SYNPR: variants seen among roughly 807,000 people sequenced by gnomAD.
The protein encoded by SYNPR is synaptoporin.
In SYNPR, 23 loss-of-function variants were observed where a neutral mutation model predicts 32.9. The observed-to-expected ratio is 0.70, with a 90% CI of 0.50 to 0.99. The LOEUF (loss-of-function observed/expected upper bound fraction) is 0.99. Ranked by LOEUF, SYNPR falls within the 50% of genes least tolerant of loss-of-function variation. The pLI, the probability that SYNPR is intolerant of heterozygous loss-of-function variation, is 0.00. For missense variants in SYNPR, 318 were observed against 349.3 expected (o/e 0.91, Z 0.71); for synonymous variants, 146 against 135.9 (o/e 1.07, Z -0.52).
chr3:63,353,256 G>C (rs557528066), intron 2 of SYNPR, among the ~76,000 whole-genome samples: 24 of 152,334 alleles, frequency 1.6e-4, no homozygotes, highest in Non-Finnish European at 2.8e-4. Context: ...AACACAAATA[G>C]AGTGTTACAG....
chr3:63,583,944 C>T (rs1306832655), intron 4 of SYNPR, among the ~76,000 whole-genome samples: 1 of 152,058 alleles, frequency 6.6e-6, no homozygotes, highest in African/African-American at 2.4e-5. Flanking sequence ...CTAAGAACCA[C>T]TTGCCCTGGG....
chr3:63,257,179 C>A (rs149849750), intron 2 of SYNPR, among the ~76,000 whole-genome samples: 2,211 of 152,212 alleles, frequency 0.015, 33 homozygotes, highest in Non-Finnish European at 0.019. Flanking sequence ...CCCAGTCTAG[C>A]AAGGCAGGCC....
chr3:63,498,283 G>A (rs894262785), intron 3 of SYNPR, among the ~76,000 whole-genome samples: 6 of 152,180 alleles, frequency 3.9e-5, no homozygotes, highest in African/African-American at 1.4e-4. Context: ...AAAAAGACTC[G>A]TTCATTCATA....
intron 2 of SYNPR, among the ~76,000 whole-genome samples, chr3:63,262,730 A>G (rs2086449665): frequency 6.6e-6 from 1 of 152,178 alleles, no homozygotes; most frequent in Non-Finnish European, 1.5e-5. Context: ...AAGCAGCCAA[A>G]GTCCAGAGCC....
At chr3:63,208,421 A>T in the SYNPR span, among the ~76,000 whole-genome samples, 1 of 152,014 alleles carries the variant, frequency 6.6e-6, no homozygotes, top group African/African-American at 2.4e-5. Context: ...AGCATTTCTC[A>T]CTCTGGGGCA....
intron 4 of SYNPR, among the ~76,000 whole-genome samples, chr3:63,605,286 A>C (rs751773550): frequency 2.0e-5 from 3 of 152,198 alleles, no homozygotes; most frequent in Non-Finnish European, 2.9e-5. Flanking sequence ...TCATATGGCT[A>C]TAAAGGATAA....
intron 3 of SYNPR, among the ~76,000 whole-genome samples, chr3:63,546,706 C>T (rs1432222423): frequency 6.9e-6 from 1 of 144,138 alleles, no homozygotes; most frequent in Non-Finnish European, 1.5e-5. Context: ...TGAAAATTTC[C>T]TCTTATGAAA....
At chr3:63,525,118 T>C (rs753486936) in intron 3 of SYNPR, among the ~76,000 whole-genome samples, 6 of 152,174 alleles carry the variant, frequency 3.9e-5, no homozygotes, top group Non-Finnish European at 7.3e-5. Context: ...GCCTTCTCAA[T>C]GCAAGGAATT....
chr3:63,353,369 G>A (rs2107021615), intron 2 of SYNPR, among the ~76,000 whole-genome samples: 1 of 152,290 alleles, frequency 6.6e-6, no homozygotes, highest in Non-Finnish European at 1.5e-5. Context: ...ACAGGGAGGG[G>A]GATCTAGTGA....
chr3:63,505,375 A>G (rs17068857), intron 3 of SYNPR, among the ~76,000 whole-genome samples: 27,771 of 152,132 alleles, frequency 0.18, 2,584 homozygotes, highest in African/African-American at 0.22. Flanking sequence ...GCTCCAAAAC[A>G]CTAGTTATTT....
chr3:63,412,085 CA>C (rs1172727068), intron 2 of SYNPR, among the ~76,000 whole-genome samples: 1 of 151,904 alleles, frequency 6.6e-6, no homozygotes, highest in African/African-American at 2.4e-5. Context: ...AGTTAGGAAG[CA>C]AATCAATGGA....
At chr3:63,310,127 C>T (rs1168734421) in intron 2 of SYNPR, among the ~76,000 whole-genome samples, 3 of 151,934 alleles carry the variant, frequency 2.0e-5, no homozygotes, top group Non-Finnish European at 4.4e-5. Context: ...CCCCAGAATC[C>T]CTCCCAACTG....
chr3:63,501,340 A>G (rs9826403), intron 3 of SYNPR, among the ~76,000 whole-genome samples: 106,286 of 151,616 alleles, frequency 0.7, 38,305 homozygotes, highest in African/African-American at 0.88. Context: ...TTATCTGAGA[A>G]TGGTGGCATG....
At chr3:63,403,843 G>A (rs1456492990) in intron 2 of SYNPR, among the ~76,000 whole-genome samples, 2 of 152,174 alleles carry the variant, frequency 1.3e-5, no homozygotes, top group Admixed American at 6.5e-5. Context: ...TGGATCAAGG[G>A]AAGCCTCATC....
At chr3:63,463,709 G>T (rs1700629114) in intron 2 of SYNPR, among the ~76,000 whole-genome samples, 1 of 151,956 alleles carries the variant, frequency 6.6e-6, no homozygotes, top group African/African-American at 2.4e-5. Context: ...ATAGCTTTCA[G>T]GAGGTTTCCA....
intron 3 of SYNPR, among the ~76,000 whole-genome samples, chr3:63,540,891 T>TACACACACACACACACACACAC (rs34925541): frequency 8.1e-6 from 1 of 122,858 alleles, no homozygotes; most frequent in African/African-American, 3.2e-5. Context: ...CTATCACTCC[T>TACACACACACACACACACACAC]ACACACACAC....
chr3:63,343,350 G>C (rs1220215774), intron 2 of SYNPR, among the ~76,000 whole-genome samples: 2 of 152,170 alleles, frequency 1.3e-5, no homozygotes, highest in Non-Finnish European at 2.9e-5. Flanking sequence ...GATTCTAGGA[G>C]AGCCGAGGAA....
intron 5 of SYNPR, among the ~76,000 whole-genome samples, chr3:63,612,081 C>A (rs1700207155): frequency 6.6e-6 from 1 of 152,208 alleles, no homozygotes; most frequent in South Asian, 2.1e-4. Flanking sequence ...TTTACAGTAA[C>A]ACTAAAATGT....
chr3:63,203,761 C>T, the SYNPR span, among the ~76,000 whole-genome samples: 1 of 152,092 alleles, frequency 6.6e-6, no homozygotes, highest in Non-Finnish European at 1.5e-5. Context: ...CTTTAGGAGG[C>T]CAAGGTGGGC....
Sources: allele counts gnomAD v4.1 joint callset (sites outside exome capture counted in the v4.1 genomes callset), GRCh38; gene constraint gnomAD v4.1.1; transcripts MANE v1.5; gene names NCBI Gene and HGNC (gene_info 2026-07-23, HGNC 2026-07-21).